The following CNTN5 variants were observed in gnomAD, a reference collection of about 807,000 sequenced individuals.
CNTN5 encodes contactin 5.
In CNTN5, 77 loss-of-function variants were observed where a neutral mutation model predicts 129.1. That is an observed-to-expected ratio of 0.60 (90% CI 0.50 to 0.72). The LOEUF (loss-of-function observed/expected upper bound fraction) is 0.72, where lower values mean the gene tolerates loss of function less well. Ranked by LOEUF, CNTN5 falls within the 30% of genes least tolerant of loss-of-function variation. CNTN5 has a pLI of 0.00. For missense variants in CNTN5, 1,478 were observed against 1,328.8 expected (o/e 1.11, Z -1.75); for synonymous variants, 509 against 465.6 (o/e 1.09, Z -1.20).
chr11:99,813,183 A>T (rs1946481793), intron 3 of CNTN5, among the ~76,000 whole-genome samples: 1 of 152,184 alleles, frequency 6.6e-6, no homozygotes, highest in Admixed American at 6.5e-5. Flanking sequence ...AAACTTGGAA[A>T]AAAGAATGTT....
At chr11:100,113,855 T>C (rs114363303) in intron 13 of CNTN5, among the ~76,000 whole-genome samples, 1 of 152,202 alleles carries the variant, frequency 6.6e-6, no homozygotes, top group African/African-American at 2.4e-5. Context: ...GTAATTTCAC[T>C]TTTTTTAAAC....
At chr11:100,162,260 A>G (rs1375281930) in intron 13 of CNTN5, among the ~76,000 whole-genome samples, 1 of 151,840 alleles carries the variant, frequency 6.6e-6, no homozygotes, top group African/African-American at 2.4e-5. Flanking sequence ...AACACCATAA[A>G]TGTTAATGAT....
chr11:99,476,143 C>T (rs140562350), intron 2 of CNTN5, among the ~76,000 whole-genome samples: 1 of 151,816 alleles, frequency 6.6e-6, no homozygotes, highest in Admixed American at 6.6e-5. Flanking sequence ...CACAATTCCC[C>T]AAATTTATTT....
At chr11:100,264,599 A>G (rs1014917771) in intron 17 of CNTN5, among the ~76,000 whole-genome samples, 4 of 152,170 alleles carry the variant, frequency 2.6e-5, no homozygotes, top group Admixed American at 1.3e-4. Context: ...TCCGTGGTGT[A>G]TATGTGCCAC....
In CNTN5 at chr11:99,469,758, T is replaced by C. The variant is rs563994046; in HGVS notation, c.-70-86387T>C. On this transcript the variant is annotated intron_variant, in intron 2 of 24. Coordinates refer to ENST00000524871, the MANE Select transcript of CNTN5 (RefSeq NM_014361.4). ...TAAATTTTTAAATTTTTTTTTGGCT[T>C]TTGATTTGGAGTTGCACCTAAATAT... is the stretch of plus-strand genomic sequence containing the variant. Among the ~76,000 whole-genome samples, 9 of 152,246 alleles carry C rather than the reference T, an allele frequency of 5.9e-5. No homozygotes were observed. The East Asian group carries it at 1.7e-3, about 29-fold the overall frequency.
At chr11:100,116,212 G>A (rs1047729948) in intron 13 of CNTN5, among the ~76,000 whole-genome samples, 2 of 152,004 alleles carry the variant, frequency 1.3e-5, no homozygotes, top group South Asian at 2.1e-4. Flanking sequence ...TCTTCTGACT[G>A]CTGGGTCAGT....
intron 8 of CNTN5, among the ~76,000 whole-genome samples, chr11:99,960,303 A>C (rs1440492253): frequency 2.6e-5 from 4 of 152,066 alleles, no homozygotes; most frequent in African/African-American, 9.7e-5. Flanking sequence ...TATGTCATGA[A>C]ATGAGGATCA....
chr11:100,133,273 T>C (rs1946429942), intron 13 of CNTN5, among the ~76,000 whole-genome samples: 2 of 152,140 alleles, frequency 1.3e-5, no homozygotes, highest in Admixed American at 6.6e-5. Flanking sequence ...CACAAAAATG[T>C]ACTGCCACCA....
At chr11:99,148,114 C>T (rs764339026) in intron 1 of CNTN5, among the ~76,000 whole-genome samples, 23 of 151,970 alleles carry the variant, frequency 1.5e-4, no homozygotes, top group South Asian at 4.2e-4. Context: ...GTCTTTTATG[C>T]GCCCTTTAAG....
chr11:99,566,606 A>C (rs1949014126), intron 3 of CNTN5, among the ~76,000 whole-genome samples: 1 of 152,224 alleles, frequency 6.6e-6, no homozygotes, highest in Non-Finnish European at 1.5e-5. Context: ...AGACACAGAG[A>C]ATAGCAGTGG....
intron 3 of CNTN5, among the ~76,000 whole-genome samples, chr11:99,817,563 C>T (rs959722431): frequency 1.4e-5 from 2 of 140,628 alleles, no homozygotes; most frequent in Admixed American, 7.2e-5. Flanking sequence ...CATTATCATA[C>T]TTCACTGTAA....
chr11:99,692,444 T>G (rs1238895804), intron 3 of CNTN5, among the ~76,000 whole-genome samples: 1 of 152,178 alleles, frequency 6.6e-6, no homozygotes, highest in African/African-American at 2.4e-5. Flanking sequence ...GGTGACAGTT[T>G]CCCGCAGCAT....
chr11:99,308,785 T>C (rs1442300227), intron 1 of CNTN5, among the ~76,000 whole-genome samples: 1 of 152,190 alleles, frequency 6.6e-6, no homozygotes, highest in Admixed American at 6.5e-5. Flanking sequence ...TGTTAGTACT[T>C]CTGCCCATGT....
intron 3 of CNTN5, among the ~76,000 whole-genome samples, chr11:99,636,652 G>A (rs1951566871): frequency 6.6e-6 from 1 of 151,852 alleles, no homozygotes; most frequent in Non-Finnish European, 1.5e-5. Flanking sequence ...TTCTACTAAA[G>A]GCCAAAACTT....
chr11:99,488,393 G>A (rs12291255), intron 2 of CNTN5, among the ~76,000 whole-genome samples: 18 of 151,896 alleles, frequency 1.2e-4, no homozygotes, highest in Non-Finnish European at 2.6e-4. Flanking sequence ...GGCTGGTCTC[G>A]AACTCCTGAC....
At chr11:99,797,925 C>A (rs1945997557) in intron 3 of CNTN5, among the ~76,000 whole-genome samples, 1 of 151,820 alleles carries the variant, frequency 6.6e-6, no homozygotes, top group Non-Finnish European at 1.5e-5. Context: ...AAAAATATAG[C>A]CTCTGCCTGT....
chr11:100,299,419 TTTTTA>T, intron 20 of CNTN5, 23 bp downstream of exon 20: 5 of 1,415,850 alleles, frequency 3.5e-6, no homozygotes, highest in Non-Finnish European at 4.9e-6. Context: ...ATTCCTATTA[TTTTTA>T]TTTAACATTT....
intron 13 of CNTN5, among the ~76,000 whole-genome samples, chr11:100,168,305 G>T (rs1947709149): frequency 6.6e-6 from 1 of 151,922 alleles, no homozygotes. Context: ...TTTGGAAGAG[G>T]ATGCCGTCTA....
chr11:99,931,201 G>T (rs1413256395), intron 7 of CNTN5, among the ~76,000 whole-genome samples: 1 of 152,082 alleles, frequency 6.6e-6, no homozygotes, highest in Non-Finnish European at 1.5e-5. Context: ...ATAGAAAAAT[G>T]TTTTGTTCTT....
Sources: allele counts gnomAD v4.1 joint callset (sites outside exome capture counted in the v4.1 genomes callset), GRCh38; gene constraint gnomAD v4.1.1; transcripts MANE v1.5; gene names NCBI Gene and HGNC (gene_info 2026-07-23, HGNC 2026-07-21).